Variants in ADCY2 observed in about 807,000 individuals in gnomAD.
ADCY2 encodes adenylate cyclase type 2.
Under a neutral mutation model 125.2 loss-of-function variants are expected in ADCY2, and 31 were observed. The observed-to-expected ratio is 0.25, with a 90% CI of 0.19 to 0.33. The LOEUF (loss-of-function observed/expected upper bound fraction) is 0.33, where lower values mean the gene tolerates loss of function less well. Ranked by LOEUF, ADCY2 falls within the 10% of genes least tolerant of loss-of-function variation. The pLI is 1.00. For missense variants in ADCY2, 904 were observed against 1,418.2 expected (o/e 0.64, Z 5.82); for synonymous variants, 512 against 548.4 (o/e 0.93, Z 0.93).
chr5:7,679,890 T>C (rs71604185), intron 4 of ADCY2, among the ~76,000 whole-genome samples: 2,165 of 152,218 alleles, frequency 0.014, 27 homozygotes, highest in Non-Finnish European at 0.022. Context: ...TCACCCAGAA[T>C]AGAGATATGT....
intron 3 of ADCY2, among the ~76,000 whole-genome samples, chr5:7,554,339 C>T (rs906105040): frequency 3.3e-5 from 5 of 152,098 alleles, no homozygotes; most frequent in African/African-American, 1.2e-4. Context: ...TTGAGGGTTC[C>T]AATGACATTC....
chr5:7,544,036 A>T (rs1478152980), intron 3 of ADCY2, among the ~76,000 whole-genome samples: 1 of 136,972 alleles, frequency 7.3e-6, no homozygotes, highest in Non-Finnish European at 1.6e-5. Context: ...AAAAAAAAAA[A>T]AAGATTGTCC....
At position 7,709,801 on chromosome 5, in the gene ADCY2, T is replaced by C. The variant is rs189853369; in HGVS notation, c.1578+414T>C. Among the ~76,000 whole-genome samples the C allele has an allele frequency of 1.1e-3, 172 of 152,322 alleles. 3 individuals are homozygous for C. Among genetic ancestry groups the C allele is most frequent in the Admixed American group, 0.01 (160 of 15,302 alleles). ...AGCCCATTTCTTCATTGCCCAAATGTCCAGGCTGTGTGGGCAGCAGTGGAT... is the reference window on the plus strand; with the variant it reads ...AGCCCATTTCTTCATTGCCCAAATGCCCAGGCTGTGTGGGCAGCAGTGGAT... On this transcript the variant is annotated intron_variant, in intron 10 of 24. Transcript: ENST00000338316. This position sits in a 1 kb window ranked among gnomAD's most constrained non-coding sequence, Gnocchi z 4.4.
At chr5:7,463,935 T>A (rs1742015178) in intron 2 of ADCY2, among the ~76,000 whole-genome samples, 1 of 152,198 alleles carries the variant, frequency 6.6e-6, no homozygotes, top group Non-Finnish European at 1.5e-5. Context: ...TTCTCCATTT[T>A]GGCTGCTGTG....
At chr5:7,678,638 C>T (rs866557960) in intron 4 of ADCY2, among the ~76,000 whole-genome samples, 2 of 152,142 alleles carry the variant, frequency 1.3e-5, no homozygotes, top group African/African-American at 4.8e-5. Flanking sequence ...AAATAGAATT[C>T]AAAGTGTATT....
intron 2 of ADCY2, among the ~76,000 whole-genome samples, chr5:7,497,318 G>A (rs60522136): frequency 0.048 from 7,304 of 152,028 alleles, 610 homozygotes; most frequent in African/African-American, 0.17. Context: ...AAATGTATAT[G>A]GTTTATAATT....
chr5:7,439,424 C>T (rs1740925329), intron 2 of ADCY2, among the ~76,000 whole-genome samples: 1 of 151,884 alleles, frequency 6.6e-6, no homozygotes, highest in African/African-American at 2.4e-5. Context: ...GTGGGGAGAC[C>T]ACCCCCTGAT....
intron 2 of ADCY2, among the ~76,000 whole-genome samples, chr5:7,453,453 C>G (rs1741547534): frequency 6.6e-6 from 1 of 152,158 alleles, no homozygotes; most frequent in African/African-American, 2.4e-5. Context: ...AACAACAGTT[C>G]TTGTTACTGG....
At chr5:7,745,717 T>C (rs1306882652) in intron 15 of ADCY2, among the ~76,000 whole-genome samples, 1 of 152,178 alleles carries the variant, frequency 6.6e-6, no homozygotes. Context: ...GGTGGTTCCA[T>C]TGGAAATCCC....
At chr5:7,612,490 T>C (rs1737599874) in intron 3 of ADCY2, among the ~76,000 whole-genome samples, 1 of 151,916 alleles carries the variant, frequency 6.6e-6, no homozygotes, top group African/African-American at 2.4e-5. Flanking sequence ...AGAGTGATGG[T>C]TTGGGGTGAG....
chr5:7,537,584 C>T (rs1382772678), intron 3 of ADCY2, among the ~76,000 whole-genome samples: 1 of 152,224 alleles, frequency 6.6e-6, no homozygotes, highest in Non-Finnish European at 1.5e-5. Flanking sequence ...TCATCCTCTG[C>T]CTCTGCCCTG....
Position 7,707,800 on chromosome 5 carries a change from C to A in ADCY2, c.1363C>A (p.Gln455Lys), listed in dbSNP as rs763559291. ...DGDIRDPYLK[Q>K]HLVKTYFVIN... is the part of the protein sequence containing the mutation. Reference sequence around the variant, plus strand: ...TGACATTAGGGACCCATATTTAAAACAGCACCTGGTGAAAACCTACTTTGT... The same window carrying A: ...TGACATTAGGGACCCATATTTAAAAAAGCACCTGGTGAAAACCTACTTTGT... Residue 455 changes from glutamine (Q) to lysine (K), a missense_variant, in exon 9 of 25, where the codon CAG (glutamine) becomes AAG (lysine). Gln to Lys is a moderately conservative substitution (Grantham distance 53). This residue lies in a region of ADCY2 where 144 missense variants were observed against 227.7 expected (regional missense o/e 0.63). Coordinates refer to ENST00000338316, the MANE Select transcript of ADCY2 (RefSeq NM_020546.3). 6.2e-7 allele frequency: 1 copy of A among 1,614,066 alleles called. No homozygotes were observed. The highest frequency in any genetic ancestry group is 8.5e-7 in the Non-Finnish European group (1 of 1,179,992).
intron 4 of ADCY2, among the ~76,000 whole-genome samples, chr5:7,635,343 A>G (rs919639672): frequency 2.0e-5 from 3 of 152,288 alleles, no homozygotes; most frequent in Middle Eastern, 6.8e-3. Context: ...GGATACAGGA[A>G]TAGCTTGGGT....
chr5:7,573,571 T>G (rs1299688463), intron 3 of ADCY2, among the ~76,000 whole-genome samples: 2 of 149,766 alleles, frequency 1.3e-5, no homozygotes, highest in African/African-American at 2.5e-5. Context: ...ATTTGCAGCC[T>G]CTGGGATACA....
chr5:7,798,145 G>C (rs2126516284), intron 20 of ADCY2: 1 of 152,582 alleles, frequency 6.6e-6, no homozygotes, highest in South Asian at 2.1e-4. Flanking sequence ...GGTGACGGGG[G>C]GAAGGCAGTG....
chr5:7,628,581 A>T (rs546636922), intron 4 of ADCY2, among the ~76,000 whole-genome samples: 1 of 152,346 alleles, frequency 6.6e-6, no homozygotes, highest in East Asian at 1.9e-4. Context: ...TTAAAAATAA[A>T]GAAAGTGAGA....
intron 19 of ADCY2, 92 bp from the exon 20 acceptor site, chr5:7,789,550 A>G (rs1453703215): frequency 7.4e-7 from 1 of 1,347,882 alleles, no homozygotes; most frequent in East Asian, 2.4e-5. Context: ...TTTCGGTTTC[A>G]TTTTGTTCTT....
chr5:7,481,571 T>C (rs1156804245), intron 2 of ADCY2, among the ~76,000 whole-genome samples: 1 of 152,176 alleles, frequency 6.6e-6, no homozygotes, highest in South Asian at 2.1e-4. Context: ...CTGGCCTATG[T>C]TGAGTACCTT....
At chr5:7,764,966 G>A (rs1359014089) in intron 16 of ADCY2, among the ~76,000 whole-genome samples, 3 of 152,300 alleles carry the variant, frequency 2.0e-5, no homozygotes, top group South Asian at 4.1e-4. Flanking sequence ...ACGGGTAGTT[G>A]ATATTAATAA....
Sources: gnomAD v4.1 joint callset for allele counts (sites outside exome capture counted in the v4.1 genomes callset) on GRCh38, gnomAD v4.1.1 for gene constraint, gnomAD v4.1.1 regional missense constraint, Gnocchi (gnomAD v3.1) non-coding constraint, MANE v1.5 for transcripts, NCBI Gene and HGNC (gene_info 2026-07-23, HGNC 2026-07-21) for gene names.